Variants in CDH18 observed in about 807,000 individuals in gnomAD.
CDH18 encodes cadherin-18.
CDH18 carries 31 observed loss-of-function variants against 67.9 expected under a neutral mutation model. The ratio of observed to expected loss-of-function variants is 0.46; its 90% CI spans 0.34 to 0.62. The LOEUF is 0.62. Among genes scored for constraint, CDH18 ranks in the 20% least tolerant of loss-of-function variants. The probability of loss-of-function intolerance (pLI) is 0.01; values close to 1 mark genes in which losing one functional copy is unlikely to be tolerated. For missense variants in CDH18, 890 were observed against 975.5 expected (o/e 0.91, Z 1.17); for synonymous variants, 362 against 347.2 (o/e 1.04, Z -0.48).
chr5:19,657,710 T>G (rs1397774560), intron 5 of CDH18, among the ~76,000 whole-genome samples: 3 of 152,148 alleles, frequency 2.0e-5, no homozygotes, highest in Non-Finnish European at 2.9e-5. Flanking sequence ...TATCATTAAT[T>G]TCTATAAAAC....
At chr5:20,361,045 T>G (rs1472330574) in intron 1 of CDH18, among the ~76,000 whole-genome samples, 1 of 152,038 alleles carries the variant, frequency 6.6e-6, no homozygotes, top group African/African-American at 2.4e-5. Flanking sequence ...GAATATGTAT[T>G]TAAAGAAGAA....
rs564175829 is a variant in CDH18 at position 19,583,126 on chromosome 5, G to A, written c.999+7931C>T. Among the ~76,000 whole-genome samples, 4 of 152,088 alleles carry A rather than the reference G, an allele frequency of 2.6e-5. No homozygotes were observed. In the East Asian group the frequency reaches 7.7e-4, roughly 29 times the overall value. ...AAATACACAGTACTTGGTTATGAAA[G>A]TGTTTTATGTCTCCTATAGGCAGGG... On this transcript the variant is annotated intron_variant, in intron 7 of 12. Coordinates refer to ENST00000382275, the MANE Select transcript of CDH18 (RefSeq NM_004934.5).
intron 1 of CDH18, among the ~76,000 whole-genome samples, chr5:20,310,003 T>C (rs1736848251): frequency 6.6e-6 from 1 of 152,172 alleles, no homozygotes; most frequent in Admixed American, 6.5e-5. Context: ...AATAGTTTTT[T>C]TCACTGTGTG....
intron 3 of CDH18, among the ~76,000 whole-genome samples, chr5:19,824,499 C>T (rs1398812043): frequency 6.6e-6 from 1 of 152,194 alleles, no homozygotes; most frequent in African/African-American, 2.4e-5. Context: ...GCCTTCCCCA[C>T]TACCATGCTT....
intron 8 of CDH18, among the ~76,000 whole-genome samples, chr5:19,547,691 C>T (rs966380752): frequency 1.3e-5 from 2 of 152,078 alleles, no homozygotes; most frequent in African/African-American, 4.8e-5. Flanking sequence ...AAATGGTAAG[C>T]ATACTGCTAG....
intron 11 of CDH18, among the ~76,000 whole-genome samples, chr5:19,488,120 C>T (rs973794587): frequency 2.0e-5 from 3 of 152,140 alleles, no homozygotes; most frequent in Admixed American, 1.3e-4. Context: ...TTTGAAAGAC[C>T]TTGCAGGATA....
chr5:20,051,394 A>G lies in CDH18; in HGVS notation c.-517-59380T>C, dbSNP rs935924817. 4.6e-5 allele frequency among the ~76,000 whole-genome samples: 7 copies of G among 151,968 alleles called. No individual in the cohort carries two copies. The South Asian group carries it at 8.3e-4, about 18-fold the overall frequency. On this transcript the variant is annotated intron_variant, in intron 2 of 14. Coordinates refer to the CDH18 transcript ENST00000507958. ...TCTTCTATAATATTTCTACCACTAT[A>G]TTTTCCCAACTTATAAAGACCATTA...
At chr5:19,711,223 A>G (rs1185542939) in intron 5 of CDH18, among the ~76,000 whole-genome samples, 2 of 152,090 alleles carry the variant, frequency 1.3e-5, no homozygotes, top group Admixed American at 6.6e-5. Flanking sequence ...AGGAAATGCA[A>G]CAAAAACAAA....
intron 1 of CDH18, among the ~76,000 whole-genome samples, chr5:20,349,317 T>C (rs1740967649): frequency 6.6e-6 from 1 of 152,126 alleles, no homozygotes; most frequent in African/African-American, 2.4e-5. Context: ...AAAGATCGAA[T>C]TTTAGTATGA....
At chr5:20,563,499 T>C (rs1222426190) in intron 1 of CDH18, among the ~76,000 whole-genome samples, 1 of 152,146 alleles carries the variant, frequency 6.6e-6, no homozygotes, top group African/African-American at 2.4e-5. Context: ...CACTCGTTTT[T>C]TGTGTGTTTT....
At chr5:20,137,694 CCT>C (rs1749858355) in intron 2 of CDH18, among the ~76,000 whole-genome samples, 2 of 152,152 alleles carry the variant, frequency 1.3e-5, no homozygotes, top group East Asian at 1.9e-4. Context: ...CAGCTTTTCT[CCT>C]CTGTTTTTCT....
At chr5:20,178,697 T>C (rs1312164653) in intron 2 of CDH18, among the ~76,000 whole-genome samples, 1 of 151,958 alleles carries the variant, frequency 6.6e-6, no homozygotes, top group African/African-American at 2.4e-5. Flanking sequence ...ATGCAGACAC[T>C]AATAATACCT....
At chr5:20,511,604 GTTC>G (rs1755041769) in intron 1 of CDH18, among the ~76,000 whole-genome samples, 1 of 152,172 alleles carries the variant, frequency 6.6e-6, no homozygotes, top group African/African-American at 2.4e-5. Context: ...CTTGCTGAAT[GTTC>G]TTATTAAATA....
intron 2 of CDH18, among the ~76,000 whole-genome samples, chr5:20,206,562 T>A (rs1483729603): frequency 6.6e-6 from 1 of 151,938 alleles, no homozygotes; most frequent in Non-Finnish European, 1.5e-5. Flanking sequence ...TACTGGTGAA[T>A]ACATATGTCA....
chr5:20,324,443 AG>A (rs1738353695), intron 1 of CDH18, among the ~76,000 whole-genome samples: 1 of 152,140 alleles, frequency 6.6e-6, no homozygotes, highest in South Asian at 2.1e-4. Flanking sequence ...CGGGAAGCTG[AG>A]GCAGGAGAAT....
intron 1 of CDH18, among the ~76,000 whole-genome samples, chr5:20,519,543 T>C (rs1043312209): frequency 1.3e-5 from 2 of 151,984 alleles, no homozygotes; most frequent in Non-Finnish European, 2.9e-5. Context: ...ATGGGTGCAG[T>C]ACACGAATAT....
chr5:20,460,235 T>C (rs886986636), intron 1 of CDH18, among the ~76,000 whole-genome samples: 9 of 151,640 alleles, frequency 5.9e-5, no homozygotes, highest in African/African-American at 1.9e-4. Context: ...CTACTAAGAA[T>C]ACAGAAATTA....
At chr5:19,701,880 A>G (rs748527844) in intron 5 of CDH18, among the ~76,000 whole-genome samples, 5 of 152,142 alleles carry the variant, frequency 3.3e-5, no homozygotes, top group East Asian at 1.9e-4. Flanking sequence ...CCAGAAAAGT[A>G]TAAGTAACTA....
intron 2 of CDH18, among the ~76,000 whole-genome samples, chr5:20,008,226 G>A (rs1336010459): frequency 6.6e-6 from 1 of 152,004 alleles, no homozygotes; most frequent in Non-Finnish European, 1.5e-5. Context: ...TATTATGTTT[G>A]AGAATATAAA....
Sources: gnomAD v4.1 joint callset for allele counts (sites outside exome capture counted in the v4.1 genomes callset) on GRCh38, gnomAD v4.1.1 for gene constraint, MANE v1.5 for transcripts, NCBI Gene and HGNC (gene_info 2026-07-23, HGNC 2026-07-21) for gene names.